AXDND1: variants seen among roughly 807,000 people sequenced by gnomAD.
AXDND1 encodes the protein axonemal dynein light chain domain-containing protein 1.
Under a neutral mutation model 137.5 loss-of-function variants are expected in AXDND1, and 110 were observed. That is an observed-to-expected ratio of 0.80 (90% CI 0.69 to 0.94). The LOEUF (loss-of-function observed/expected upper bound fraction) is 0.94, where lower values mean the gene tolerates loss of function less well. AXDND1 is among the 40% of genes least tolerant of loss of function. The pLI, the probability that AXDND1 is intolerant of heterozygous loss-of-function variation, is 0.00. For synonymous variants in AXDND1, 414 were observed against 399.7 expected (o/e 1.04, Z -0.43); for missense variants, 1,191 against 1,169.8 (o/e 1.02, Z -0.26).
chr1:179,465,929 G>A (rs1663098456), intron 16 of AXDND1, among the ~76,000 whole-genome samples: 1 of 152,226 alleles, frequency 6.6e-6, no homozygotes, highest in Non-Finnish European at 1.5e-5. Flanking sequence ...GCCAGGCGCG[G>A]GATATAATCT....
At chr1:179,420,022 T>A (rs147531518) in intron 12 of AXDND1, among the ~76,000 whole-genome samples, 1,660 of 152,336 alleles carry the variant, frequency 0.011, 46 homozygotes, top group African/African-American at 0.038. Flanking sequence ...TTGTTCTAGA[T>A]CTTAGAGGAA....
intron 17 of AXDND1, among the ~76,000 whole-genome samples, chr1:179,473,315 T>C (rs1664192803): frequency 6.6e-6 from 1 of 151,986 alleles, no homozygotes; most frequent in Non-Finnish European, 1.5e-5. Flanking sequence ...CTGGCCAACA[T>C]GGTGAAACCC....
intron 11 of AXDND1, among the ~76,000 whole-genome samples, chr1:179,400,395 GAAT>G: frequency 6.6e-6 from 1 of 152,038 alleles, no homozygotes; most frequent in East Asian, 1.9e-4. Context: ...AAAGGCATAA[GAAT>G]AATACACTTT....
chr1:179,518,385 C>CTTTTTTTTTTTTTTT (rs71114530), intron 21 of AXDND1, among the ~76,000 whole-genome samples: 4 of 145,102 alleles, frequency 2.8e-5, no homozygotes, highest in Non-Finnish European at 4.5e-5. Flanking sequence ...TTTCCTTTTT[C>CTTTTTTTTTTTTTTT]TTTTTTTTTT....
intron 15 of AXDND1, among the ~76,000 whole-genome samples, chr1:179,438,803 G>A (rs1658576267): frequency 1.3e-5 from 2 of 151,720 alleles, no homozygotes; most frequent in South Asian, 4.3e-4. Flanking sequence ...CTTCCTAGCT[G>A]CCAAAAAAAG....
At chr1:179,541,670 TGC>T (rs1672167160) in intron 25 of AXDND1, among the ~76,000 whole-genome samples, 4 of 136,224 alleles carry the variant, frequency 2.9e-5, no homozygotes, top group Admixed American at 7.5e-5. Flanking sequence ...CATGATAATA[TGC>T]ATAATAATAT....
chr1:179,424,202 A>G (rs1656220276), intron 12 of AXDND1, among the ~76,000 whole-genome samples: 2 of 152,062 alleles, frequency 1.3e-5, no homozygotes, highest in Admixed American at 6.5e-5. Context: ...CCTGCCCTGT[A>G]TGGTTTCCAC....
chr1:179,492,835 T>C lies in AXDND1; in HGVS notation c.2292-20T>C, dbSNP rs751546924. ...GTGTATTTGCTCTTTTTCTTTTTCTTTTTTTCCCCCTTTTTGCAGTTGTTG... is the reference window on the plus strand; with the variant it reads ...GTGTATTTGCTCTTTTTCTTTTTCTCTTTTTCCCCCTTTTTGCAGTTGTTG... On this transcript the variant is annotated intron_variant, in intron 19 of 25. Coordinates refer to ENST00000367618, the MANE Select transcript of AXDND1 (RefSeq NM_144696.6). 2 of 1,545,780 alleles carry C rather than the reference T, an allele frequency of 1.3e-6. No homozygotes were observed. Among genetic ancestry groups the C allele is most frequent in the Admixed American group, 3.9e-5 (2 of 51,926 alleles).
At chr1:179,378,871 C>A (rs1647751461) in intron 5 of AXDND1, 114 bp downstream of exon 5, 24 of 839,712 alleles carry the variant, frequency 2.9e-5, no homozygotes, top group Non-Finnish European at 3.8e-5. Flanking sequence ...ACTATAACAA[C>A]CTGCATTGCT....
intron 11 of AXDND1, among the ~76,000 whole-genome samples, chr1:179,397,335 GTTTCTGCTGAGAGGT>G (rs1393116358): frequency 6.6e-6 from 1 of 152,126 alleles, no homozygotes; most frequent in Non-Finnish European, 1.5e-5. Context: ...GGCTTGTAGG[GTTTCTGCTGAGAGGT>G]CCACTGTTAG....
intron 25 of AXDND1, among the ~76,000 whole-genome samples, chr1:179,539,968 C>G (rs1427131572): frequency 6.6e-6 from 1 of 151,722 alleles, no homozygotes. Flanking sequence ...ATCCTTTCTT[C>G]TGCTTGATCT....
intron 25 of AXDND1, among the ~76,000 whole-genome samples, chr1:179,538,389 G>T (rs1234045919): frequency 2.6e-5 from 4 of 152,128 alleles, no homozygotes; most frequent in Admixed American, 6.6e-5. Context: ...CTGGTATGTT[G>T]TGTCTTCATT....
chr1:179,533,946 A>C, intron 24 of AXDND1, 69 bp downstream of exon 24: 1 of 1,406,044 alleles, frequency 7.1e-7, no homozygotes, highest in South Asian at 1.2e-5. Context: ...TGAGAAATTC[A>C]CACTTTTTGG....
intron 4 of AXDND1, among the ~76,000 whole-genome samples, chr1:179,370,683 T>C (rs1667951051): frequency 6.6e-6 from 1 of 152,232 alleles, no homozygotes; most frequent in Non-Finnish European, 1.5e-5. Context: ...TTTCTATGTA[T>C]TGTCCACTTA....
In AXDND1 at chr1:179,366,587, A is replaced by T; in HGVS notation, c.78A>T (p.Val26=). Reference sequence around the variant, plus strand: ...AGAGCAAAAAGTTAAAAGTGTCTGTAGCCAAGGAAGGGACAAGAGGTAAAC... The same window carrying T: ...AGAGCAAAAAGTTAAAAGTGTCTGTTGCCAAGGAAGGGACAAGAGGTAAAC... ...TSESKKLKVS[V]AKEGTRGLPE... is the part of the protein sequence containing the mutation. Residue 26 remains valine (V), a synonymous_variant, in exon 2 of 26, where the codon GTA becomes GTT. Transcript: ENST00000367618. 6.2e-7 allele frequency: 1 copy of T among 1,612,820 alleles called. No individual in the cohort carries two copies. The highest frequency in any genetic ancestry group is 8.5e-7 in the Non-Finnish European group (1 of 1,178,862).
intron 17 of AXDND1, among the ~76,000 whole-genome samples, chr1:179,476,488 T>G (rs965724560): frequency 2.6e-5 from 4 of 152,066 alleles, no homozygotes; most frequent in African/African-American, 9.7e-5. Flanking sequence ...CTGTGGTCAT[T>G]GCTTTCAGCC....
intron 12 of AXDND1, among the ~76,000 whole-genome samples, chr1:179,412,152 ACT>A (rs1193685464): frequency 6.6e-6 from 1 of 151,978 alleles, no homozygotes; most frequent in Non-Finnish European, 1.5e-5. Flanking sequence ...TGGCTGACCC[ACT>A]CTCTGATTCT....
At chr1:179,552,515 G>T in intron 25 of AXDND1, 1 of 1,025,192 alleles carries the variant, frequency 9.8e-7, no homozygotes, top group Non-Finnish European at 1.5e-6. Context: ...AGTGCCTAAT[G>T]AATGGACAGT....
chr1:179,533,789 T>C lies in AXDND1; in HGVS notation c.2716-6T>C, dbSNP rs1671256591. ...GTTCATTCATATCTCATATTTCCTC[T>C]GTCAGAGAGAGTCAGCTAAGCAAGG... On this transcript the variant is annotated splice_region_variant and splice_polypyrimidine_tract_variant and intron_variant, in intron 23 of 25. Coordinates refer to ENST00000367618, the MANE Select transcript of AXDND1 (RefSeq NM_144696.6). 1 of 1,603,330 alleles carries C rather than the reference T, an allele frequency of 6.2e-7. No individual in the cohort carries two copies. Among genetic ancestry groups the C allele is most frequent in the African/African-American group, 1.3e-5 (1 of 74,640 alleles).
Sources: gnomAD v4.1 joint callset for allele counts (sites outside exome capture counted in the v4.1 genomes callset) on GRCh38, gnomAD v4.1.1 for gene constraint, MANE v1.5 for transcripts, NCBI Gene and HGNC (gene_info 2026-07-23, HGNC 2026-07-21) for gene names.